Variants in SLC5A9 observed in about 807,000 individuals in gnomAD.
The protein encoded by SLC5A9 is solute carrier family 5 member 9, also known as sodium/glucose cotransporter 4.
A neutral mutation model predicts 70.9 loss-of-function variants in SLC5A9; 59 were observed. The ratio of observed to expected loss-of-function variants is 0.83; its 90% confidence interval spans 0.68 to 1.03. The LOEUF is 1.03. SLC5A9 is among the 50% of genes least tolerant of loss of function. The pLI, the probability that SLC5A9 is intolerant of heterozygous loss-of-function variation, is 0.00. For missense variants in SLC5A9, 832 were observed against 881.1 expected (o/e 0.94, Z 0.71); for synonymous variants, 340 against 346.5 (o/e 0.98, Z 0.21).
In SLC5A9 at chr1:48,247,653, C is replaced by A. The variant is rs1462473674; in HGVS notation, c.*110C>A. The A allele has an allele frequency of 1.9e-6, 2 of 1,044,464 alleles. No homozygotes were observed. Among genetic ancestry groups the A allele is most frequent in the African/African-American group, 1.6e-5 (1 of 63,694 alleles). 64.7% of individuals were successfully genotyped at this position (1,044,464 alleles called of 1,614,324 possible). ...TGTCTAAACTGGAGATCACAGAAGT[C>A]AAGACTGCAAGCTCCCCTGAAGAGA... On this transcript the variant is annotated 3_prime_UTR_variant, in exon 14 of 14. Coordinates refer to ENST00000438567, the MANE Select transcript of SLC5A9 (RefSeq NM_001011547.3).
Position 48,235,754 on chromosome 1 carries a change from G to T in SLC5A9, c.1167G>T (p.Val389=), listed in dbSNP as rs761948337. The change falls in exon 10 of 14, where the codon GTG becomes GTT. Residue 389 remains valine (V), a synonymous_variant. Transcript: ENST00000438567. ...PVGLRGLMIA[V]IMAALMSSLT... The stretch of plus-strand genomic sequence containing the variant: ...GTCTGCGGGGGCTGATGATTGCCGT[G>T]ATCATGGCCGCTCTCATGAGCTCAC... 44 of 1,614,070 alleles carry T rather than the reference G, an allele frequency of 2.7e-5. No homozygotes were observed. The Admixed American group carries it at 7.3e-4, about 27-fold the overall frequency.
intron 5 of SLC5A9, among the ~76,000 whole-genome samples, chr1:48,230,935 A>G (rs1644239534): frequency 6.6e-6 from 1 of 152,174 alleles, no homozygotes. Context: ...GGGGATAAAA[A>G]GGGCAGAAAT....
At chr1:48,240,133 A>G (rs530853142) in intron 12 of SLC5A9, among the ~76,000 whole-genome samples, 1 of 152,372 alleles carries the variant, frequency 6.6e-6, no homozygotes, top group East Asian at 1.9e-4. Flanking sequence ...CGATTGGGTG[A>G]CTTAAGCAAC....
At position 48,239,627 on chromosome 1, in the gene SLC5A9, G is replaced by C; in HGVS notation, c.1677+90G>C. 1 of 1,262,174 alleles carries C rather than the reference G, an allele frequency of 7.9e-7. No individual in the cohort carries two copies. 78.2% of individuals were successfully genotyped at this position (1,262,174 alleles called of 1,614,324 possible). On this transcript the variant is annotated intron_variant, in intron 12 of 13. Coordinates refer to ENST00000438567, the MANE Select transcript of SLC5A9 (RefSeq NM_001011547.3). This position sits in a 1 kb window ranked among gnomAD's most constrained non-coding sequence, Gnocchi z 4.2. ...CCACTGCTGACTTTTACTCTGTTGGGTTATGGTCTCCCCTGTGGCCACACA... is the reference window on the plus strand; with the variant it reads ...CCACTGCTGACTTTTACTCTGTTGGCTTATGGTCTCCCCTGTGGCCACACA...
chr1:48,237,762 A>C lies in SLC5A9; in HGVS notation c.1376A>C (p.Tyr459Ser). ...TCCAACAGTGGGCAGCTCTTCGACTACATCCAGGCTGTCACCAGTTACCTG... is the reference window on the plus strand; with the variant it reads ...TCCAACAGTGGGCAGCTCTTCGACTCCATCCAGGCTGTCACCAGTTACCTG... ...QSSNSGQLFD[Y>S]IQAVTSYLAP... The change falls in exon 11 of 14, where the codon TAC becomes TCC. Residue 459 changes from tyrosine to serine, a missense_variant. Transcript: ENST00000438567. 6.2e-7 allele frequency: 1 copy of C among 1,614,092 alleles called. No individual in the cohort carries two copies. Among genetic ancestry groups the C allele is most frequent in the Non-Finnish European group, 8.5e-7 (1 of 1,180,012 alleles).
Position 48,247,628 on chromosome 1 carries a change from T to C in SLC5A9, c.*85T>C. ...GAAACAGGCTCTCCTCTTACTTTGC[T>C]GTCTAAACTGGAGATCACAGAAGTC... On this transcript the variant is annotated 3_prime_UTR_variant, in exon 14 of 14. Coordinates refer to ENST00000438567, the MANE Select transcript of SLC5A9 (RefSeq NM_001011547.3). 1 of 1,379,036 alleles carries C rather than the reference T, an allele frequency of 7.3e-7. No individual in the cohort carries two copies. The highest frequency in any genetic ancestry group is 1.2e-5 in the South Asian group (1 of 85,140). The allele number at this position is 1,379,036 out of a possible 1,614,324, so 85.4% of individuals were successfully genotyped here.
intron 10 of SLC5A9, 55 bp from the exon 11 acceptor site, chr1:48,237,624 A>C: frequency 6.3e-7 from 1 of 1,582,096 alleles, no homozygotes; most frequent in Non-Finnish European, 8.6e-7. Context: ...CCTTCACCCC[A>C]CACCACACCA....
chr1:48,242,316 G>C (rs910885121), intron 12 of SLC5A9, 141 bp from the exon 13 acceptor site: 7 of 918,704 alleles, frequency 7.6e-6, no homozygotes, highest in Non-Finnish European at 1.2e-5. Context: ...GCTGAGATCC[G>C]GGCCTCCTGA....
At chr1:48,242,133 T>C in intron 12 of SLC5A9, 1 of 471,786 alleles carries the variant, frequency 2.1e-6, no homozygotes. Flanking sequence ...TTTGAAGACT[T>C]GTTCTCAAGT....
At chr1:48,240,840 C>T (rs998027224) in intron 12 of SLC5A9, among the ~76,000 whole-genome samples, 3 of 152,218 alleles carry the variant, frequency 2.0e-5, no homozygotes, top group African/African-American at 7.2e-5. Context: ...TCTCAACCCG[C>T]TGCTGTCTGA....
chr1:48,246,737 A>G lies in SLC5A9; in HGVS notation c.1838-598A>G, dbSNP rs189320783. ...ACTTTTAAAGTGCTGTCCAATTTCC[A>G]TCCTCATTTGGTAGTCAGAACAACC... On this transcript the variant is annotated intron_variant, in intron 13 of 13. Transcript: ENST00000438567. Among the ~76,000 whole-genome samples, 26 of 152,238 alleles carry G rather than the reference A, an allele frequency of 1.7e-4. 1 individual carries two copies. The East Asian group carries it at 2.9e-3, about 17-fold the overall frequency.
chr1:48,241,443 T>C (rs547318743), intron 12 of SLC5A9, among the ~76,000 whole-genome samples: 60 of 152,224 alleles, frequency 3.9e-4, no homozygotes, highest in African/African-American at 1.3e-3. Context: ...AAGTAAGAAG[T>C]TGGGAGCAGG....
Position 48,239,438 on chromosome 1 carries a change from G to A in SLC5A9, c.1578G>A (p.Lys526=), listed in dbSNP as rs577672729. ...GEVDRRPAVL[K]DFHYLYFAIL... is the part of the protein sequence containing the mutation. Reference sequence around the variant, plus strand: ...TGGACCGGAGGCCAGCAGTGCTGAAGGACTTCCACTACCTGTACTTTGCAA... The same window carrying A: ...TGGACCGGAGGCCAGCAGTGCTGAAAGACTTCCACTACCTGTACTTTGCAA... The change falls in exon 12 of 14, where the codon AAG becomes AAA. Residue 526 remains lysine (K), a synonymous_variant. Transcript: ENST00000438567. This position sits in a 1 kb window ranked among gnomAD's most constrained non-coding sequence, Gnocchi z 4.2. The A allele has an allele frequency of 6.2e-7, 1 of 1,614,194 alleles. No homozygotes were observed. The highest frequency in any genetic ancestry group is 8.5e-7 in the Non-Finnish European group (1 of 1,180,036).
rs960840935 is a variant in SLC5A9 at position 48,231,757 on chromosome 1, G to A, written c.691+132G>A. 40 of 1,510,228 alleles carry A rather than the reference G, an allele frequency of 2.6e-5. No homozygotes were observed. The Admixed American group carries it at 7.3e-4, about 28-fold the overall frequency. 93.6% of individuals were successfully genotyped at this position (1,510,228 alleles called of 1,614,324 possible). A position where few individuals can be genotyped will look rare whatever the true frequency, so the allele number is the denominator to read the frequency against. On this transcript the variant is annotated intron_variant, in intron 6 of 13. Coordinates refer to ENST00000438567, the MANE Select transcript of SLC5A9 (RefSeq NM_001011547.3). Reference sequence around the variant, plus strand: ...GTGAGCCATGTCCCCTCTCCAGGCTGCAGCTCCCAAAGAGCAGGGTTCTCG... The same window carrying A: ...GTGAGCCATGTCCCCTCTCCAGGCTACAGCTCCCAAAGAGCAGGGTTCTCG...
At position 48,232,052 on chromosome 1, in the gene SLC5A9, T is replaced by C; in HGVS notation, c.798T>C (p.Ala266=). The change falls in exon 7 of 14, where the codon GCT becomes GCC. Residue 266 remains alanine, a synonymous_variant. Coordinates refer to ENST00000438567, the MANE Select transcript of SLC5A9 (RefSeq NM_001011547.3). ...NTTCHLPRPD[A]FHILRDPVSG... ...CCTGTCACCTCCCACGGCCCGATGCTTTCCACATTCTTCGGGACCCTGTGA... is the reference window on the plus strand; with the variant it reads ...CCTGTCACCTCCCACGGCCCGATGCCTTCCACATTCTTCGGGACCCTGTGA... 6.2e-7 allele frequency: 1 copy of C among 1,614,170 alleles called. No individual in the cohort carries two copies. Among genetic ancestry groups the C allele is most frequent in the Non-Finnish European group, 8.5e-7 (1 of 1,180,006 alleles).
rs1215705244 is a variant in SLC5A9, at chr1:48,242,562, C to T, written c.1783C>T (p.Pro595Ser). ...ATCCGAGAGGCCAGCCGGGGAGTGC[C>T]CTGCAGGAGGTGGAGCGGCAGAGAA... is the stretch of plus-strand genomic sequence containing the variant. ...EISERPAGEC[P>S]AGGGAAENSS... Residue 595 changes from proline (P) to serine (S), a missense_variant, in exon 13 of 14, where the codon CCT (proline) becomes TCT (serine). Pro to Ser is a moderately conservative substitution (Grantham distance 74). Transcript: ENST00000438567. 6.2e-7 allele frequency: 1 copy of T among 1,613,434 alleles called. No homozygotes were observed. Among genetic ancestry groups the T allele is most frequent in the Admixed American group, 1.7e-5 (1 of 59,988 alleles).
chr1:48,230,286 C>G (rs1644228511), intron 4 of SLC5A9, among the ~76,000 whole-genome samples: 1 of 152,198 alleles, frequency 6.6e-6, no homozygotes, highest in Non-Finnish European at 1.5e-5. Flanking sequence ...TTCTCCAGCC[C>G]AGCACCTTCC....
At chr1:48,229,835 G>A (rs1484830583) in intron 4 of SLC5A9, among the ~76,000 whole-genome samples, 3 of 152,206 alleles carry the variant, frequency 2.0e-5, no homozygotes, top group Non-Finnish European at 2.9e-5. Context: ...CAGGTCAAAT[G>A]ACTTGCCCAA....
chr1:48,236,642 C>A (rs1644331715), intron 10 of SLC5A9, among the ~76,000 whole-genome samples: 4 of 152,218 alleles, frequency 2.6e-5, no homozygotes, highest in African/African-American at 9.6e-5. Context: ...GATTTCTGGA[C>A]TAAAGTTCTC....
Sources: gnomAD v4.1 joint callset for allele counts (sites outside exome capture counted in the v4.1 genomes callset) on GRCh38, gnomAD v4.1.1 for gene constraint, Gnocchi (gnomAD v3.1) non-coding constraint, MANE v1.5 for transcripts, NCBI Gene and HGNC (gene_info 2026-07-23, HGNC 2026-07-21) for gene names.